Variants in SNX29 observed in about 807,000 individuals in gnomAD.
SNX29 encodes the protein sorting nexin 29.
In SNX29, 78 loss-of-function variants were observed where a neutral mutation model predicts 102.1. The ratio of observed to expected loss-of-function variants is 0.76; its 90% confidence interval spans 0.64 to 0.92. SNX29 has a LOEUF of 0.92. Ranked by LOEUF, SNX29 falls within the 40% of genes least tolerant of loss-of-function variation. SNX29 has a pLI of 0.00. For missense variants in SNX29, 1,280 were observed against 1,061.7 expected (o/e 1.21, Z -2.86); for synonymous variants, 580 against 414.5 (o/e 1.40, Z -4.85).
chr16:12,178,959 G>C (rs1249645986), intron 13 of SNX29, among the ~76,000 whole-genome samples: 1 of 152,186 alleles, frequency 6.6e-6, no homozygotes, highest in African/African-American at 2.4e-5. Context: ...ATGTATCCCT[G>C]AGATGCTTTG....
intron 15 of SNX29, among the ~76,000 whole-genome samples, chr16:12,287,014 C>T (rs984675227): frequency 2.0e-5 from 3 of 152,102 alleles, no homozygotes; most frequent in Non-Finnish European, 2.9e-5. Flanking sequence ...TCTTTAAGAA[C>T]GTCTTTTAGG....
At chr16:12,561,354 T>G (rs1014784338) in intron 20 of SNX29, among the ~76,000 whole-genome samples, 1 of 151,996 alleles carries the variant, frequency 6.6e-6, no homozygotes, top group Non-Finnish European at 1.5e-5. Context: ...CTCACAGACT[T>G]ATGAGGGAGC....
chr16:12,551,803 T>G (rs896809743), intron 20 of SNX29, among the ~76,000 whole-genome samples: 2 of 152,186 alleles, frequency 1.3e-5, no homozygotes, highest in Non-Finnish European at 2.9e-5. Flanking sequence ...GGCATCAAAC[T>G]TCTGTATCCC....
chr16:12,378,008 T>C (rs1008589259), intron 16 of SNX29, among the ~76,000 whole-genome samples: 3 of 152,150 alleles, frequency 2.0e-5, no homozygotes, highest in African/African-American at 7.2e-5. Context: ...TGTATTAGGA[T>C]GATTCCAGTG....
intron 15 of SNX29, among the ~76,000 whole-genome samples, chr16:12,337,502 C>T (rs369586965): frequency 2.8e-4 from 42 of 151,994 alleles, no homozygotes; most frequent in Non-Finnish European, 3.5e-4. Context: ...CCATCATGCC[C>T]GGCTAACTTT....
At chr16:12,036,856 A>T (rs1308971958) in intron 4 of SNX29, among the ~76,000 whole-genome samples, 1 of 152,146 alleles carries the variant, frequency 6.6e-6, no homozygotes, top group East Asian at 1.9e-4. Flanking sequence ...AAATGATAGA[A>T]AATTCTTTAG....
intron 19 of SNX29, among the ~76,000 whole-genome samples, 190 bp from the exon 20 acceptor site, chr16:12,524,512 A>G (rs990055779): frequency 5.3e-5 from 8 of 150,514 alleles, no homozygotes; most frequent in African/African-American, 2.0e-4. Context: ...TAATAATAAT[A>G]TCGTGAGCAT....
At position 12,512,369 on chromosome 16, in the gene SNX29, AATATATATATATATATATATAT is replaced by A. The variant is rs58157322; in HGVS notation, c.2179-12305_2179-12284del. 2.6e-3 allele frequency among the ~76,000 whole-genome samples: 115 copies of A among 43,944 alleles called. 1 individual carries two copies. Among genetic ancestry groups the A allele is most frequent in the East Asian group, 5.4e-3 (7 of 1,300 alleles). The allele number at this position is 43,944 out of a possible 152,430, so 28.8% of individuals were successfully genotyped here. On this transcript the variant is annotated intron_variant, in intron 19 of 20. Transcript: ENST00000566228. The stretch of plus-strand genomic sequence containing the variant: ...CGTCCATCATGGAAGGCCCAGGGAA[AATATATATATATATATATATAT>A]ATATATATATATATATATATATATA...
At chr16:12,108,647 T>G (rs529263354) in intron 11 of SNX29, among the ~76,000 whole-genome samples, 17 of 152,262 alleles carry the variant, frequency 1.1e-4, no homozygotes, top group Non-Finnish European at 2.4e-4. Flanking sequence ...CATGTCCCTG[T>G]GCCCCGATGC....
chr16:12,500,418 C>G (rs1451168249), intron 19 of SNX29, among the ~76,000 whole-genome samples: 1 of 152,148 alleles, frequency 6.6e-6, no homozygotes, highest in African/African-American at 2.4e-5. Flanking sequence ...CATAGGTACT[C>G]AGAAAGCCAG....
chr16:12,544,197 G>C (rs955214126), intron 20 of SNX29, among the ~76,000 whole-genome samples: 1 of 152,178 alleles, frequency 6.6e-6, no homozygotes, highest in African/African-American at 2.4e-5. Flanking sequence ...ATCAGCCAAG[G>C]CTTCAGAACC....
chr16:12,154,523 C>T (rs6498267), intron 13 of SNX29, among the ~76,000 whole-genome samples: 49,563 of 152,050 alleles, frequency 0.33, 11,585 homozygotes, highest in African/African-American at 0.66. Context: ...CTCAGAATCC[C>T]ATGAGAAAGG....
intron 18 of SNX29, among the ~76,000 whole-genome samples, chr16:12,410,090 G>A (rs915705566): frequency 1.2e-4 from 18 of 152,096 alleles, no homozygotes; most frequent in Middle Eastern, 3.2e-3. Context: ...CACCTCCCGG[G>A]TTCAAGTGAT....
chr16:12,313,991 T>G (rs977797255), intron 15 of SNX29, among the ~76,000 whole-genome samples: 25 of 152,220 alleles, frequency 1.6e-4, no homozygotes, highest in African/African-American at 6.0e-4. Context: ...ATGTTTATTT[T>G]TAATTATTTA....
chr16:12,111,192 C>T (rs1036352756), intron 11 of SNX29, among the ~76,000 whole-genome samples: 1 of 152,180 alleles, frequency 6.6e-6, no homozygotes, highest in Non-Finnish European at 1.5e-5. Flanking sequence ...CCCTGCACCC[C>T]AGCAGGATGG....
chr16:12,554,507 G>A (rs568484325), intron 20 of SNX29, among the ~76,000 whole-genome samples: 5 of 152,226 alleles, frequency 3.3e-5, no homozygotes, highest in Non-Finnish European at 5.9e-5. Flanking sequence ...TTCCTCCGCA[G>A]CAGGATGCTG....
intron 15 of SNX29, among the ~76,000 whole-genome samples, chr16:12,341,822 G>T (rs1400254803): frequency 1.3e-5 from 2 of 152,220 alleles, no homozygotes; most frequent in Non-Finnish European, 2.9e-5. Context: ...TGGGGAGCAG[G>T]TAGGGTGCAT....
At chr16:12,154,355 A>G (rs960562995) in intron 13 of SNX29, among the ~76,000 whole-genome samples, 2 of 152,006 alleles carry the variant, frequency 1.3e-5, no homozygotes, top group Non-Finnish European at 2.9e-5. Flanking sequence ...GACCCCCCAC[A>G]GTGGGAGCTG....
At chr16:12,550,278 T>C (rs1036832492) in intron 20 of SNX29, among the ~76,000 whole-genome samples, 3 of 151,896 alleles carry the variant, frequency 2.0e-5, no homozygotes, top group Non-Finnish European at 4.4e-5. Context: ...GGCTTATACC[T>C]GTAATCCCAG....
Sources: allele counts gnomAD v4.1 joint callset (sites outside exome capture counted in the v4.1 genomes callset), GRCh38; gene constraint gnomAD v4.1.1; transcripts MANE v1.5; gene names NCBI Gene and HGNC (gene_info 2026-07-23, HGNC 2026-07-21).